Variants in CREB5 observed in about 807,000 individuals in gnomAD.
CREB5 encodes cyclic AMP-responsive element-binding protein 5.
CREB5 carries 19 observed loss-of-function variants against 57.1 expected under a neutral mutation model. That is an observed-to-expected ratio of 0.33 (90% CI 0.23 to 0.49). The LOEUF (loss-of-function observed/expected upper bound fraction) is 0.49, where lower values mean the gene tolerates loss of function less well. Ranked by LOEUF, CREB5 falls within the 20% of genes least tolerant of loss-of-function variation. The pLI is 0.99. For missense variants in CREB5, 579 were observed against 671.6 expected (o/e 0.86, Z 1.52); for synonymous variants, 238 against 238.3 (o/e 1.00, Z 0.01).
At chr7:28,600,238 T>C (rs546043757) in intron 5 of CREB5, among the ~76,000 whole-genome samples, 1 of 152,198 alleles carries the variant, frequency 6.6e-6, no homozygotes, top group East Asian at 1.9e-4. Flanking sequence ...GAAGGGAAAA[T>C]GCTATTTGAA....
At chr7:28,327,006 G>T (rs141863637) in intron 1 of CREB5, among the ~76,000 whole-genome samples, 1 of 151,874 alleles carries the variant, frequency 6.6e-6, no homozygotes, top group Non-Finnish European at 1.5e-5. Flanking sequence ...AAAATTAGCC[G>T]GGCGTGGTGG....
rs192054043 is a variant in CREB5 at position 28,360,413 on chromosome 7, C to A, written c.-25+60972C>A. Among the ~76,000 whole-genome samples, 104 of 152,300 alleles carry A rather than the reference C, an allele frequency of 6.8e-4. 2 individuals are homozygous for A. Among genetic ancestry groups the A allele is most frequent in the African/African-American group, 2.5e-3 (104 of 41,560 alleles). On this transcript the variant is annotated intron_variant, in intron 1 of 9. Coordinates refer to the CREB5 transcript ENST00000396299. ...TAAAAAGAAATTCTGTCATTTTCAA[C>A]AACATGGATGAACCTGGAGGACATT...
chr7:28,367,926 G>A (rs1163891296), intron 1 of CREB5, among the ~76,000 whole-genome samples: 1 of 152,144 alleles, frequency 6.6e-6, no homozygotes, highest in Non-Finnish European at 1.5e-5. Context: ...AGACTAAGAT[G>A]CCACCATCAT....
intron 4 of CREB5, among the ~76,000 whole-genome samples, chr7:28,560,865 CCTGCGTGCGCGTGCGTGCGTGCGTGT>C: frequency 6.7e-5 from 1 of 14,828 alleles, no homozygotes; most frequent in South Asian, 3.5e-3. Context: ...TGTGCGTGTG[CCTGCGTGCGCGTGCGTGCGTGCGTGT>C]GTGTGCGTGC....
At position 28,528,301 on chromosome 7, in the gene CREB5, G is replaced by T. The variant is rs145828285; in HGVS notation, c.291+20564G>T. Among the ~76,000 whole-genome samples the T allele has an allele frequency of 4.6e-5, 7 of 152,322 alleles. No homozygotes were observed. The East Asian group carries it at 1.3e-3, about 29-fold the overall frequency. ...TTAATTGCTCTGTAATTGTCAAGGGGAATATTTCATGATGAAAGGATAGTG... is the reference window on the plus strand; with the variant it reads ...TTAATTGCTCTGTAATTGTCAAGGGTAATATTTCATGATGAAAGGATAGTG... On this transcript the variant is annotated intron_variant, in intron 4 of 10. Transcript: ENST00000357727.
At chr7:28,803,030 G>A (rs1260819873) in intron 7 of CREB5, among the ~76,000 whole-genome samples, 1 of 152,210 alleles carries the variant, frequency 6.6e-6, no homozygotes, top group African/African-American at 2.4e-5. Context: ...GAAGATAAGA[G>A]AAGAAAATAC....
intron 4 of CREB5, among the ~76,000 whole-genome samples, chr7:28,526,935 T>C (rs990770020): frequency 3.3e-5 from 5 of 152,224 alleles, no homozygotes; most frequent in African/African-American, 1.2e-4. Context: ...CCATCTTTTA[T>C]TAATCCTGTG....
chr7:28,784,917 T>C (rs1458933994), intron 7 of CREB5, among the ~76,000 whole-genome samples: 1 of 152,206 alleles, frequency 6.6e-6, no homozygotes, highest in African/African-American at 2.4e-5. Context: ...CTTAGCAACC[T>C]TCTTCAATTT....
At chr7:28,527,684 G>T (rs188187207) in intron 4 of CREB5, among the ~76,000 whole-genome samples, 1 of 152,270 alleles carries the variant, frequency 6.6e-6, no homozygotes, top group Admixed American at 6.5e-5. Context: ...AGCCAGGCAT[G>T]GTGGTGCATG....
chr7:28,477,208 T>A (rs1791111888), intron 1 of CREB5, among the ~76,000 whole-genome samples: 1 of 152,240 alleles, frequency 6.6e-6, no homozygotes, highest in South Asian at 2.1e-4. Context: ...TGAAGCAGTT[T>A]GTGAACAATA....
chr7:28,388,423 C>A, intron 1 of CREB5, among the ~76,000 whole-genome samples: 1 of 152,156 alleles, frequency 6.6e-6, no homozygotes, highest in East Asian at 1.9e-4. Flanking sequence ...CCATTAAAAT[C>A]CAAACCTCTT....
At chr7:28,684,333 G>A (rs947350788) in intron 5 of CREB5, among the ~76,000 whole-genome samples, 1 of 152,220 alleles carries the variant, frequency 6.6e-6, no homozygotes, top group African/African-American at 2.4e-5. Context: ...CTAATTCAGA[G>A]CTGCCTGCCT....
chr7:28,608,356 G>A (rs1797244593), intron 5 of CREB5, among the ~76,000 whole-genome samples: 1 of 152,138 alleles, frequency 6.6e-6, no homozygotes, highest in African/African-American at 2.4e-5. Context: ...GACTTCAGCA[G>A]TAAAATACCA....
chr7:28,529,916 A>G (rs1371547623), intron 4 of CREB5, among the ~76,000 whole-genome samples: 1 of 152,188 alleles, frequency 6.6e-6, no homozygotes, highest in African/African-American at 2.4e-5. Flanking sequence ...CACACCAGCT[A>G]TTGTTTACTG....
chr7:28,528,039 C>T (rs529518183), intron 4 of CREB5, among the ~76,000 whole-genome samples: 115 of 152,266 alleles, frequency 7.6e-4, no homozygotes, highest in Non-Finnish European at 4.4e-4. Context: ...ATTACATGTG[C>T]GGGTCCAGCA....
Position 28,724,246 on chromosome 7 carries a change from T to C in CREB5, c.616T>C (p.Ser206Pro). ...MPMERQMSVN[S>P]SIMGMQGPNL... ...GATGGAGCGACAAATGTCAGTGAAC[T>C]CCAGCATCATGGGGATGCAAGGTCC... Residue 206 changes from serine (S) to proline (P), a missense_variant, in exon 7 of 11, where the codon TCC (serine) becomes CCC (proline). Ser to Pro is a moderately conservative substitution (Grantham distance 74). Around this residue, in one of 3 missense-constraint regions of CREB5, gnomAD observed 459 missense variants for 515.7 expected, o/e 0.89. Transcript: ENST00000357727. 1 of 1,613,410 alleles carries C rather than the reference T, an allele frequency of 6.2e-7. No individual in the cohort carries two copies. The highest frequency in any genetic ancestry group is 8.5e-7 in the Non-Finnish European group (1 of 1,179,732).
chr7:28,804,713 A>T (rs1165838083), intron 8 of CREB5, among the ~76,000 whole-genome samples, 191 bp downstream of exon 8: 1 of 152,216 alleles, frequency 6.6e-6, no homozygotes, highest in Non-Finnish European at 1.5e-5. Context: ...ATTTCTATAA[A>T]TAATACACTA....
intron 1 of CREB5, among the ~76,000 whole-genome samples, chr7:28,389,574 A>C (rs1421260392): frequency 6.6e-6 from 1 of 151,436 alleles, no homozygotes; most frequent in African/African-American, 2.4e-5. Flanking sequence ...CAAGAAAACC[A>C]GTTGTGGGTT....
chr7:28,788,378 A>G (rs1448332496), intron 7 of CREB5, among the ~76,000 whole-genome samples: 5 of 152,196 alleles, frequency 3.3e-5, no homozygotes, highest in Non-Finnish European at 7.3e-5. Context: ...GGTTAACTAC[A>G]TAGATTTGAT....
Sources: gnomAD v4.1 joint callset for allele counts (sites outside exome capture counted in the v4.1 genomes callset) on GRCh38, gnomAD v4.1.1 for gene constraint, gnomAD v4.1.1 regional missense constraint, MANE v1.5 for transcripts, NCBI Gene and HGNC (gene_info 2026-07-23, HGNC 2026-07-21) for gene names.